Variants in HCFC2 observed in about 807,000 individuals in gnomAD.
HCFC2 encodes host cell factor C2, also known as host cell factor 2.
HCFC2 carries 18 observed loss-of-function variants against 89.2 expected under a neutral mutation model. The observed-to-expected ratio is 0.20, with a 90% CI of 0.14 to 0.30. The LOEUF is 0.30. Ranked by LOEUF, HCFC2 falls within the 10% of genes least tolerant of loss-of-function variation. The pLI, the probability that HCFC2 is intolerant of heterozygous loss-of-function variation, is 1.00. For missense variants in HCFC2, 578 were observed against 956.1 expected, an observed-to-expected ratio of 0.60 and a Z score of 5.21; for synonymous variants, 308 against 335.7, an observed-to-expected ratio of 0.92 and a Z score of 0.90.
At chr12:104,070,222 G>A (rs1287839312) in intron 3 of HCFC2, among the ~76,000 whole-genome samples, 1 of 152,040 alleles carries the variant, frequency 6.6e-6, no homozygotes, top group African/African-American at 2.4e-5. Flanking sequence ...CTAACATGGG[G>A]TTTCACCGCG....
intron 3 of HCFC2, 72 bp from the exon 4 acceptor site, chr12:104,079,373 A>G (rs895987886): frequency 1.7e-6 from 2 of 1,200,032 alleles, no homozygotes; most frequent in East Asian, 2.5e-5. Context: ...TTTTATCTTT[A>G]TAAATAGAAA....
chr12:104,082,113 T>G (rs1883704808), intron 5 of HCFC2, among the ~76,000 whole-genome samples: 1 of 152,190 alleles, frequency 6.6e-6, no homozygotes, highest in South Asian at 2.1e-4. Flanking sequence ...TATATGAAAT[T>G]TAATCCTCTT....
intron 9 of HCFC2, among the ~76,000 whole-genome samples, chr12:104,088,849 GTA>G (rs917132531): frequency 2.6e-5 from 4 of 152,136 alleles, no homozygotes; most frequent in African/African-American, 9.7e-5. Context: ...CTATATATGT[GTA>G]TGTGTGTGTA....
intron 12 of HCFC2, among the ~76,000 whole-genome samples, chr12:104,097,014 A>G (rs569196160): frequency 8.9e-4 from 135 of 152,274 alleles, no homozygotes; most frequent in African/African-American, 3.1e-3. Context: ...ACATAGGCCA[A>G]ATTTGGTATG....
At chr12:104,076,952 G>C (rs1198277827) in intron 3 of HCFC2, among the ~76,000 whole-genome samples, 2 of 152,074 alleles carry the variant, frequency 1.3e-5, no homozygotes, top group African/African-American at 4.8e-5. Flanking sequence ...GAAAACATTT[G>C]CATATGTATA....
chr12:104,082,378 A>G (rs940541012), intron 5 of HCFC2, 122 bp from the exon 6 acceptor site: 15 of 621,318 alleles, frequency 2.4e-5, no homozygotes, highest in Non-Finnish European at 4.0e-5. Flanking sequence ...GACAATGGTA[A>G]GCGAATGAAT....
intron 12 of HCFC2, among the ~76,000 whole-genome samples, chr12:104,097,007 T>C (rs943586436): frequency 6.6e-6 from 1 of 152,162 alleles, no homozygotes; most frequent in African/African-American, 2.4e-5. Context: ...TTGTCTTACA[T>C]AGGCCAAATT....
chr12:104,082,088 A>G (rs1883704208), intron 5 of HCFC2, among the ~76,000 whole-genome samples: 1 of 152,208 alleles, frequency 6.6e-6, no homozygotes, highest in Non-Finnish European at 1.5e-5. Context: ...TTTAAGTGAT[A>G]TCAATGACCA....
rs182801909 is a variant in HCFC2, at chr12:104,091,323, G to C, written c.1285-2063G>C. Among the ~76,000 whole-genome samples the C allele has an allele frequency of 1.8e-3, 271 of 152,248 alleles. 1 individual carries two copies. The highest frequency in any genetic ancestry group is 2.6e-4 in the Non-Finnish European group (18 of 68,022). Reference sequence around the variant, plus strand: ...TCTTAAACAGGCTTCTGTGTGACAGGCCTCCAGCGTTTTCTTGTACTCTGC... The same window carrying C: ...TCTTAAACAGGCTTCTGTGTGACAGCCCTCCAGCGTTTTCTTGTACTCTGC... On this transcript the variant is annotated intron_variant, in intron 9 of 14. Transcript: ENST00000229330.
rs537254618 is a variant in HCFC2, at chr12:104,104,519, G to A, written c.*1246G>A. 1 of 151,980 alleles carries A rather than the reference G, an allele frequency of 6.6e-6. No homozygotes were observed. Among genetic ancestry groups the A allele is most frequent in the African/African-American group, 2.4e-5 (1 of 41,506 alleles). The allele number at this position is 151,980 out of a possible 1,614,324, so 9.4% of individuals were successfully genotyped here. ...AACTAAGAGCTTCAATAACTGCAGG[G>A]GCACAGGTCTATCTTTTTTTATACC... On this transcript the variant is annotated 3_prime_UTR_variant, in exon 15 of 15. Transcript: ENST00000229330.
At chr12:104,086,173 T>A (rs1883836970) in intron 7 of HCFC2, among the ~76,000 whole-genome samples, 1 of 152,168 alleles carries the variant, frequency 6.6e-6, no homozygotes, top group East Asian at 1.9e-4. Flanking sequence ...AATTTTCGTA[T>A]TTTTAGTAGA....
intron 1 of HCFC2, 39 bp from the exon 2 acceptor site, chr12:104,066,128 G>T (rs746416154): frequency 1.3e-6 from 2 of 1,595,674 alleles, no homozygotes; most frequent in African/African-American, 1.3e-5. Flanking sequence ...GATAACCGTT[G>T]TTTGTTATAA....
At chr12:104,082,922 A>G in intron 7 of HCFC2, 21 bp downstream of exon 7, 1 of 1,560,888 alleles carries the variant, frequency 6.4e-7, no homozygotes. Flanking sequence ...ATATTTAACA[A>G]ATAAACTTTT....
intron 2 of HCFC2, among the ~76,000 whole-genome samples, chr12:104,067,078 C>T (rs1034515326): frequency 3.9e-5 from 6 of 152,058 alleles, no homozygotes; most frequent in Admixed American, 1.3e-4. Context: ...CGTGAGCCAC[C>T]GTGCTGTGCC....
At chr12:104,096,722 TG>T (rs943607483) in intron 12 of HCFC2, among the ~76,000 whole-genome samples, 7 of 152,166 alleles carry the variant, frequency 4.6e-5, no homozygotes, top group African/African-American at 1.7e-4. Flanking sequence ...GAAATCCAGG[TG>T]GGGGGCCACA....
intron 3 of HCFC2, among the ~76,000 whole-genome samples, chr12:104,072,581 C>G (rs903816075): frequency 2.6e-5 from 4 of 151,174 alleles, no homozygotes; most frequent in African/African-American, 9.7e-5. Flanking sequence ...GTTGCTCTTT[C>G]TAATTTTGGT....
chr12:104,091,272 G>C (rs1884015430), intron 9 of HCFC2, among the ~76,000 whole-genome samples: 1 of 152,190 alleles, frequency 6.6e-6, no homozygotes, highest in Non-Finnish European at 1.5e-5. Context: ...GGTATGCTGG[G>C]AGAGCAGAAC....
At position 104,074,278 on chromosome 12, in the gene HCFC2, G is replaced by C. The variant is rs146220035; in HGVS notation, c.474-5167G>C. 7.6e-3 allele frequency among the ~76,000 whole-genome samples: 1,154 copies of C among 152,154 alleles called. 11 individuals are homozygous for C. Among genetic ancestry groups the C allele is most frequent in the African/African-American group, 0.026 (1,074 of 41,502 alleles). On this transcript the variant is annotated intron_variant, in intron 3 of 14. Coordinates refer to ENST00000229330, the MANE Select transcript of HCFC2 (RefSeq NM_013320.3). ...CTCAGCCTCTTGAGTAGCCAGCTGG[G>C]ACCACAGGTGTATGCCACCATGCCC...
chr12:104,102,968 G>A lies in HCFC2; in HGVS notation c.2074G>A (p.Gly692Ser), dbSNP rs775199757. The change falls in exon 15 of 15, where the codon GGT becomes AGT. Residue 692 changes from glycine to serine, a missense_variant. By Grantham distance (56) the Gly-to-Ser change is moderately conservative. Coordinates refer to ENST00000229330, the MANE Select transcript of HCFC2 (RefSeq NM_013320.3). ...SAVRISKNVEGIHLSWEPPTS... is the reference protein window; with the variant it reads ...SAVRISKNVESIHLSWEPPTS... ...TCCCCCCCCCTTCAAGAATGTTGAA[G>A]GTATCCACCTTTCCTGGGAACCTCC... The A allele has an allele frequency of 1.9e-6, 3 of 1,604,062 alleles. No homozygotes were observed. The highest frequency in any genetic ancestry group is 1.3e-5 in the African/African-American group (1 of 74,642).
Sources: allele counts gnomAD v4.1 joint callset (sites outside exome capture counted in the v4.1 genomes callset), GRCh38; gene constraint gnomAD v4.1.1; transcripts MANE v1.5; gene names NCBI Gene and HGNC (gene_info 2026-07-23, HGNC 2026-07-21).